The following PCDHA5 variants were observed in gnomAD, a reference collection of about 807,000 sequenced individuals.
PCDHA5 encodes protocadherin alpha-5.
PCDHA5 carries 43 observed loss-of-function variants against 61.6 expected under a neutral mutation model. That is an observed-to-expected ratio of 0.70 (90% CI 0.55 to 0.90). PCDHA5 has a LOEUF of 0.90. Ranked by LOEUF, PCDHA5 falls within the 40% of genes least tolerant of loss-of-function variation. PCDHA5 has a pLI of 0.00. For synonymous variants in PCDHA5, 627 were observed against 543.9 expected (o/e 1.15, Z -2.13); for missense variants, 1,298 against 1,222.7 (o/e 1.06, Z -0.92).
chr5:140,853,937 G>A (rs367556947), intron 1 of PCDHA5: 2 of 835,562 alleles, frequency 2.4e-6, no homozygotes, highest in Non-Finnish European at 2.9e-6. Flanking sequence ...GGGAGGCCAA[G>A]GTGGGAGGGT....
At chr5:140,862,667 AG>A in intron 1 of PCDHA5, 1 of 548,534 alleles carries the variant, frequency 1.8e-6, no homozygotes, top group Admixed American at 1.9e-5. Context: ...CGGGACGCGC[AG>A]GAGAACGTGC....
intron 1 of PCDHA5, chr5:140,877,442 C>A: frequency 6.2e-7 from 1 of 1,613,858 alleles, no homozygotes; most frequent in South Asian, 1.1e-5. Flanking sequence ...CACGGTGAGC[C>A]CGCGCTGACG....
At chr5:140,871,228 CTCCTGG>C in intron 1 of PCDHA5, 1 of 1,613,938 alleles carries the variant, frequency 6.2e-7, no homozygotes, top group Non-Finnish European at 8.5e-7. Context: ...GGTGTCCAGC[CTCCTGG>C]TACTCACGCT....
chr5:140,922,700 A>G (rs1447566146), intron 1 of PCDHA5, among the ~76,000 whole-genome samples: 1 of 152,256 alleles, frequency 6.6e-6, no homozygotes, highest in Non-Finnish European at 1.5e-5. Context: ...GCTTCCATAC[A>G]GTCAAGAACA....
At chr5:140,832,074 T>C (rs2150199699) in intron 1 of PCDHA5, among the ~76,000 whole-genome samples, 2 of 152,370 alleles carry the variant, frequency 1.3e-5, no homozygotes, top group East Asian at 3.8e-4. Context: ...CTGAGATGTC[T>C]CTAACATTTT....
chr5:141,006,948 A>G (rs1432589918), intron 3 of PCDHA5, among the ~76,000 whole-genome samples: 3 of 152,194 alleles, frequency 2.0e-5, no homozygotes, highest in African/African-American at 7.2e-5. Flanking sequence ...CCAGATAGGC[A>G]GTTATACATG....
At chr5:140,899,545 G>A (rs2067400002) in intron 1 of PCDHA5, among the ~76,000 whole-genome samples, 1 of 152,158 alleles carries the variant, frequency 6.6e-6, no homozygotes, top group African/African-American at 2.4e-5. Context: ...TGATCATGGT[G>A]GATAAGCTTT....
intron 1 of PCDHA5, among the ~76,000 whole-genome samples, chr5:140,972,660 ATTTTTTT>A (rs11350929): frequency 8.5e-6 from 1 of 117,268 alleles, no homozygotes; most frequent in Admixed American, 9.2e-5. Flanking sequence ...AAGAAACCAA[ATTTTTTT>A]TTTTTTTTTT....
intron 1 of PCDHA5, among the ~76,000 whole-genome samples, chr5:140,894,679 C>A (rs1227870690): frequency 6.6e-6 from 1 of 151,682 alleles, no homozygotes; most frequent in African/African-American, 2.4e-5. Context: ...TCTTGCATAG[C>A]TTTTCATTAT....
At chr5:140,850,840 C>T (rs2150500104) in intron 1 of PCDHA5, 1 of 1,597,492 alleles carries the variant, frequency 6.3e-7, no homozygotes, top group Admixed American at 1.7e-5. Flanking sequence ...TGTGCTGGAT[C>T]TACAGAGCGA....
At chr5:141,006,372 C>T (rs781874533) in intron 3 of PCDHA5, among the ~76,000 whole-genome samples, 10 of 151,926 alleles carry the variant, frequency 6.6e-5, no homozygotes, top group Non-Finnish European at 1.0e-4. Context: ...CCACCACGCC[C>T]GGCTAAGTTT....
chr5:140,859,016 T>C (rs926930282), intron 1 of PCDHA5: 1 of 151,606 alleles, frequency 6.6e-6, no homozygotes, highest in African/African-American at 2.4e-5. Context: ...TCTTAGCAAT[T>C]AAGTTAAATG....
chr5:140,858,550 C>T, intron 1 of PCDHA5: 1 of 1,392,416 alleles, frequency 7.2e-7, no homozygotes. Context: ...TCCATTTATG[C>T]TTGAATATTT....
At chr5:140,885,864 GA>G (rs1267536827) in intron 1 of PCDHA5, among the ~76,000 whole-genome samples, 5 of 151,842 alleles carry the variant, frequency 3.3e-5, no homozygotes, top group African/African-American at 4.8e-5. Context: ...CTTTTCTATT[GA>G]AAAAAAATTT....
chr5:140,855,491 A>AAG, intron 1 of PCDHA5, among the ~76,000 whole-genome samples: 1 of 149,140 alleles, frequency 6.7e-6, no homozygotes, highest in South Asian at 2.1e-4. Context: ...TTAGTGTCTA[A>AAG]ATAAACCTTA....
chr5:140,929,065 C>G, intron 1 of PCDHA5: 1 of 1,614,194 alleles, frequency 6.2e-7, no homozygotes. Context: ...TACAGAGGAT[C>G]TGAGGTATGG....
intron 1 of PCDHA5, among the ~76,000 whole-genome samples, chr5:140,908,870 T>C (rs1221082339): frequency 6.6e-6 from 1 of 152,136 alleles, no homozygotes; most frequent in Non-Finnish European, 1.5e-5. Flanking sequence ...ATGTGTTGCC[T>C]CCAAAATCCA....
intron 3 of PCDHA5, among the ~76,000 whole-genome samples, chr5:140,994,387 C>T (rs192635308): frequency 1.3e-5 from 2 of 152,174 alleles, no homozygotes; most frequent in East Asian, 1.9e-4. Context: ...GGGACTAAGT[C>T]AGAGATTATT....
chr5:140,825,497 A>G (rs1554130262), intron 1 of PCDHA5: 1 of 150,846 alleles, frequency 6.6e-6, no homozygotes, highest in East Asian at 1.9e-4. Context: ...AACGAGTGCA[A>G]TGGTACAATC....
Sources: allele counts gnomAD v4.1 joint callset (sites outside exome capture counted in the v4.1 genomes callset), GRCh38; gene constraint gnomAD v4.1.1; transcripts MANE v1.5; gene names NCBI Gene and HGNC (gene_info 2026-07-23, HGNC 2026-07-21).